Variants in CPZ observed in about 807,000 individuals in gnomAD.
CPZ encodes the protein carboxypeptidase Z.
In CPZ, 103 loss-of-function variants were observed where a neutral mutation model predicts 61.8. That is an observed-to-expected ratio of 1.67 (90% CI 1.42 to 1.96). CPZ has a LOEUF of 1.96. Ranked by LOEUF, CPZ falls within the 30% of genes most tolerant of loss-of-function variation. CPZ has a pLI of 0.00. For missense variants in CPZ, 1,461 were observed against 914.9 expected (o/e 1.60, Z -7.70); for synonymous variants, 551 against 373.7 (o/e 1.47, Z -5.47).
At position 8,619,634 on chromosome 4, in the gene CPZ, C is replaced by A; in HGVS notation, c.*17C>A. The A allele has an allele frequency of 6.8e-7, 1 of 1,476,390 alleles. No individual in the cohort carries two copies. Among genetic ancestry groups the A allele is most frequent in the Non-Finnish European group, 9.0e-7 (1 of 1,114,882 alleles). 91.5% of individuals were successfully genotyped at this position (1,476,390 alleles called of 1,614,324 possible). A position where few individuals can be genotyped will look rare whatever the true frequency, so the allele number is the denominator to read the frequency against. ...AAGTACTAGCCCCGGCCCCAGCACC[C>A]GCCAGGATGTGGAGACCGAGGCCCA... On this transcript the variant is annotated 3_prime_UTR_variant, in exon 11 of 11. Coordinates refer to ENST00000360986, the MANE Select transcript of CPZ (RefSeq NM_001014447.3).
chr4:8,618,397 C>G lies in CPZ; in HGVS notation c.1504-32C>G, dbSNP rs1376012440. ...TCCACGCTCAGCAGGAGAGCTCACGCCATCTCCCTGGCCTCCCCTTGGTCT... is the reference window on the plus strand; with the variant it reads ...TCCACGCTCAGCAGGAGAGCTCACGGCATCTCCCTGGCCTCCCCTTGGTCT... On this transcript the variant is annotated intron_variant, in intron 9 of 10. Coordinates refer to ENST00000360986, the MANE Select transcript of CPZ (RefSeq NM_001014447.3). 3.1e-6 allele frequency: 5 copies of G among 1,602,820 alleles called. 1 individual carries two copies. In the Admixed American group the frequency reaches 8.3e-5, roughly 27 times the overall value.
chr4:8,606,324 C>A, intron 5 of CPZ, 139 bp downstream of exon 5: 1 of 834,112 alleles, frequency 1.2e-6, no homozygotes, highest in Non-Finnish European at 1.8e-6. Flanking sequence ...TCGATACTGG[C>A]AAACCCCTGC....
At chr4:8,598,087 G>A (rs574790128) in intron 1 of CPZ, among the ~76,000 whole-genome samples, 2 of 152,360 alleles carry the variant, frequency 1.3e-5, no homozygotes, top group Non-Finnish European at 1.5e-5. Context: ...CCTGTTCCAC[G>A]CCCGGAGAGC....
chr4:8,605,751 A>G (rs1365186409), intron 4 of CPZ, among the ~76,000 whole-genome samples: 2 of 151,692 alleles, frequency 1.3e-5, no homozygotes, highest in African/African-American at 4.9e-5. Flanking sequence ...ATCAATGATA[A>G]CATATATTAT....
Position 8,618,666 on chromosome 4 carries a change from T to A in CPZ, c.1603+138T>A. The stretch of plus-strand genomic sequence containing the variant: ...TCCATTCCTCCCCAGGCTGGCTGGG[T>A]CGGGGAGGGTGGGCAGGAACCAGGG... On this transcript the variant is annotated intron_variant, in intron 10 of 10. Transcript: ENST00000360986. The A allele has an allele frequency of 3.8e-6, 3 of 783,188 alleles. 1 individual carries two copies. The South Asian group carries it at 5.1e-5, about 13-fold the overall frequency. The allele number at this position is 783,188 out of a possible 1,614,324, so 48.5% of individuals were successfully genotyped here.
At chr4:8,614,601 A>G (rs1207553460) in intron 9 of CPZ, 103 bp downstream of exon 9, 1 of 1,204,816 alleles carries the variant, frequency 8.3e-7, no homozygotes, top group Non-Finnish European at 1.2e-6. Flanking sequence ...TGCCCCATAC[A>G]CACATGCTCC....
intron 9 of CPZ, among the ~76,000 whole-genome samples, chr4:8,617,115 G>A (rs190013933): frequency 6.6e-6 from 1 of 152,246 alleles, no homozygotes; most frequent in African/African-American, 2.4e-5. Flanking sequence ...AGGTGCCACA[G>A]GGTCTGAGCT....
intron 1 of CPZ, among the ~76,000 whole-genome samples, chr4:8,595,600 C>A (rs951101503): frequency 1.3e-5 from 2 of 152,352 alleles, no homozygotes; most frequent in African/African-American, 4.8e-5. Context: ...CAGTTGCAGC[C>A]CCCGAGGGCT....
chr4:8,608,736 C>T (rs59285204), intron 7 of CPZ, among the ~76,000 whole-genome samples: 56,533 of 151,868 alleles, frequency 0.37, 11,421 homozygotes, highest in Admixed American at 0.53. Context: ...CCTGAGGTGG[C>T]GGTTTCCCAA....
At chr4:8,610,860 C>G (rs1715594055) in intron 7 of CPZ, among the ~76,000 whole-genome samples, 1 of 152,190 alleles carries the variant, frequency 6.6e-6, no homozygotes, top group Non-Finnish European at 1.5e-5. Flanking sequence ...GGCACAGCCT[C>G]ACTTCTGAGA....
chr4:8,602,577 GC>G (rs1184745397), intron 3 of CPZ: 1 of 152,372 alleles, frequency 6.6e-6, no homozygotes, highest in East Asian at 1.9e-4. Flanking sequence ...TCTCACGACA[GC>G]CTTGCTCCAT....
chr4:8,596,406 A>C (rs1260365654), intron 1 of CPZ, among the ~76,000 whole-genome samples: 1 of 152,228 alleles, frequency 6.6e-6, no homozygotes, highest in Non-Finnish European at 1.5e-5. Context: ...CTGGCAAACA[A>C]ACCCACCCCT....
chr4:8,609,661 C>G (rs1241300000), intron 7 of CPZ, among the ~76,000 whole-genome samples: 1 of 152,204 alleles, frequency 6.6e-6, no homozygotes, highest in African/African-American at 2.4e-5. Context: ...GGCAGGCATC[C>G]CCTCTGCACT....
intron 9 of CPZ, 49 bp downstream of exon 9, chr4:8,614,547 G>A (rs751197573): frequency 5.0e-6 from 8 of 1,593,260 alleles, no homozygotes; most frequent in African/African-American, 1.3e-5. Flanking sequence ...GCCTGGGTGG[G>A]GTGGGTCACA....
chr4:8,601,038 G>A (rs1191219132), intron 2 of CPZ, 85 bp from the exon 3 acceptor site: 3 of 1,472,750 alleles, frequency 2.0e-6, no homozygotes, highest in Non-Finnish European at 2.7e-6. Context: ...CCCTGGCCCT[G>A]CGTGGGGTCC....
At chr4:8,608,126 G>GCCCCAGCCTCCAGC (rs1272306561) in intron 7 of CPZ, among the ~76,000 whole-genome samples, 1 of 125,644 alleles carries the variant, frequency 8.0e-6, no homozygotes, top group African/African-American at 3.2e-5. Flanking sequence ...TCTGAGGTGG[G>GCCCCAGCCTCCAGC]CCCCAGCCTC....
At chr4:8,617,287 C>A (rs1560304925) in intron 9 of CPZ, among the ~76,000 whole-genome samples, 1 of 152,292 alleles carries the variant, frequency 6.6e-6, no homozygotes, top group African/African-American at 2.4e-5. Context: ...ACTGAGGCAC[C>A]CAGAAGCAAA....
rs561986193 is a variant in CPZ, at chr4:8,616,964, C to T, written c.1504-1465C>T. Among the ~76,000 whole-genome samples, 4 of 152,274 alleles carry T rather than the reference C, an allele frequency of 2.6e-5. No homozygotes were observed. The South Asian group carries it at 8.3e-4, about 32-fold the overall frequency. Reference sequence around the variant, plus strand: ...CCCCTTGATGTGCTCATCATGGATTCCATGTGCTCTGGGTTCCCGAGATCC... The same window carrying T: ...CCCCTTGATGTGCTCATCATGGATTTCATGTGCTCTGGGTTCCCGAGATCC... On this transcript the variant is annotated intron_variant, in intron 9 of 10. Coordinates refer to ENST00000360986, the MANE Select transcript of CPZ (RefSeq NM_001014447.3).
chr4:8,609,023 A>ACCCATTCACTCCCTCC (rs1715296372), intron 7 of CPZ, among the ~76,000 whole-genome samples: 2 of 150,418 alleles, frequency 1.3e-5, no homozygotes, highest in Non-Finnish European at 3.0e-5. Flanking sequence ...TCATTAACTC[A>ACCCATTCACTCCCTCC]CTCCTTCACT....
Sources: gnomAD v4.1 joint callset for allele counts (sites outside exome capture counted in the v4.1 genomes callset) on GRCh38, gnomAD v4.1.1 for gene constraint, MANE v1.5 for transcripts, NCBI Gene and HGNC (gene_info 2026-07-23, HGNC 2026-07-21) for gene names.